VIPR1: variants seen among roughly 807,000 people sequenced by gnomAD.
The protein encoded by VIPR1 is vasoactive intestinal peptide receptor 1.
A neutral mutation model predicts 58.8 loss-of-function variants in VIPR1; 59 were observed. The ratio of observed to expected loss-of-function variants is 1.00; its 90% CI spans 0.81 to 1.25. The LOEUF is 1.25. Among genes scored for constraint, VIPR1 ranks in the 50% most tolerant of loss-of-function variants. The pLI is 0.00. For missense variants in VIPR1, 626 were observed against 602.7 expected (o/e 1.04, Z -0.40); for synonymous variants, 251 against 242.1 (o/e 1.04, Z -0.34).
chr3:42,520,509 G>A (rs979401552), intron 3 of VIPR1, among the ~76,000 whole-genome samples: 1 of 152,076 alleles, frequency 6.6e-6, no homozygotes. Context: ...AGAGAAGTGG[G>A]AGAGTTGTTT....
upstream of VIPR1, among the ~76,000 whole-genome samples, chr3:42,498,547 C>T (rs150610675): frequency 5.8e-4 from 89 of 152,278 alleles, no homozygotes; most frequent in African/African-American, 2.0e-3. Context: ...CACCCTTCCC[C>T]GCAACAGAGC....
At chr3:42,504,179 C>T (rs529831671) in intron 1 of VIPR1, among the ~76,000 whole-genome samples, 10 of 152,170 alleles carry the variant, frequency 6.6e-5, no homozygotes, top group African/African-American at 2.4e-4. Flanking sequence ...CCTCCCAACC[C>T]CAGGTTCAAG....
intron 1 of VIPR1, chr3:42,511,986 C>A (rs918751941): frequency 2.6e-5 from 4 of 152,234 alleles, no homozygotes; most frequent in Non-Finnish European, 5.9e-5. Context: ...TATCTTTTAA[C>A]AGTTATACGA....
chr3:42,506,156 G>A (rs1439795793), intron 1 of VIPR1, among the ~76,000 whole-genome samples: 3 of 152,224 alleles, frequency 2.0e-5, no homozygotes, highest in Non-Finnish European at 4.4e-5. Context: ...TCCTCATTAG[G>A]TGGCCAAAAC....
chr3:42,523,478 G>A (rs1369886078), intron 3 of VIPR1, among the ~76,000 whole-genome samples: 1 of 152,160 alleles, frequency 6.6e-6, no homozygotes, highest in East Asian at 1.9e-4. Flanking sequence ...CTGCTCCCTT[G>A]CTGTGTGACC....
At chr3:42,504,273 C>T (rs1390125251) in intron 1 of VIPR1, among the ~76,000 whole-genome samples, 1 of 152,252 alleles carries the variant, frequency 6.6e-6, no homozygotes, top group East Asian at 1.9e-4. Context: ...GCTTCTGAGC[C>T]CAGGGGCAGA....
At chr3:42,531,394 C>A in intron 7 of VIPR1, 77 bp from the exon 8 acceptor site, 1 of 1,477,184 alleles carries the variant, frequency 6.8e-7, no homozygotes, top group Non-Finnish European at 9.3e-7. Flanking sequence ...CTGCTTTTCT[C>A]CAAAATCTCT....
chr3:42,500,053 G>T (rs576614803), upstream of VIPR1: 1 of 152,308 alleles, frequency 6.6e-6, no homozygotes, highest in East Asian at 1.9e-4. Context: ...GGTAAGGAAG[G>T]GTGGATCCCC....
At chr3:42,515,660 G>A (rs992112799) in intron 2 of VIPR1, among the ~76,000 whole-genome samples, 1 of 152,232 alleles carries the variant, frequency 6.6e-6, no homozygotes, top group Non-Finnish European at 1.5e-5. Context: ...GGGTCTGCCC[G>A]TGACCTTCTG....
chr3:42,532,726 C>T, intron 10 of VIPR1: 1 of 264,612 alleles, frequency 3.8e-6, no homozygotes. Flanking sequence ...GGGGGAGACC[C>T]CAGTCCACCA....
At chr3:42,520,363 CA>C (rs1363233484) in intron 3 of VIPR1, among the ~76,000 whole-genome samples, 1 of 152,120 alleles carries the variant, frequency 6.6e-6, no homozygotes, top group Non-Finnish European at 1.5e-5. Flanking sequence ...AGGGGACTGA[CA>C]AAGTCCAATT....
intron 1 of VIPR1, among the ~76,000 whole-genome samples, chr3:42,505,389 T>C (rs973004286): frequency 1.3e-5 from 2 of 152,182 alleles, no homozygotes; most frequent in Admixed American, 1.3e-4. Flanking sequence ...ACTCTGAGGT[T>C]GATCAGTGGC....
At chr3:42,508,352 G>T (rs1174482349) in intron 1 of VIPR1, among the ~76,000 whole-genome samples, 1 of 152,198 alleles carries the variant, frequency 6.6e-6, no homozygotes, top group Non-Finnish European at 1.5e-5. Flanking sequence ...ATCCAGCCAG[G>T]AAGCAGCAGA....
At chr3:42,516,352 G>A (rs990976624) in intron 2 of VIPR1, among the ~76,000 whole-genome samples, 2 of 152,290 alleles carry the variant, frequency 1.3e-5, no homozygotes, top group South Asian at 4.1e-4. Flanking sequence ...GTATATTCAT[G>A]GCTGTCACCC....
chr3:42,495,215 G>A lies in VIPR1; in HGVS notation c.-245+5537G>A, dbSNP rs190631271. ...CGGCTCACTGCAACCTCTGCCTCCCGGGTTCAAGCGATTCTCCTGCCTCAG... is the reference window on the plus strand; with the variant it reads ...CGGCTCACTGCAACCTCTGCCTCCCAGGTTCAAGCGATTCTCCTGCCTCAG... On this transcript the variant is annotated intron_variant, in intron 1 of 13. Coordinates refer to the VIPR1 transcript ENST00000433647. Among the ~76,000 whole-genome samples, 80 of 152,034 alleles carry A rather than the reference G, an allele frequency of 5.3e-4. 2 individuals are homozygous for A. The highest frequency in any genetic ancestry group is 4.6e-3 in the Admixed American group (71 of 15,272).
chr3:42,491,439 T>C (rs1699663092), intron 1 of VIPR1, among the ~76,000 whole-genome samples: 1 of 152,204 alleles, frequency 6.6e-6, no homozygotes, highest in Non-Finnish European at 1.5e-5. Flanking sequence ...AGATCTGTAA[T>C]TGGATTCAAA....
At chr3:42,505,333 C>G (rs575174443) in intron 1 of VIPR1, among the ~76,000 whole-genome samples, 7 of 152,364 alleles carry the variant, frequency 4.6e-5, no homozygotes, top group African/African-American at 1.7e-4. Context: ...GGCCTGCCCC[C>G]AGAAGGAGGA....
intron 1 of VIPR1, among the ~76,000 whole-genome samples, chr3:42,510,071 T>C (rs1283786673): frequency 1.3e-5 from 2 of 152,236 alleles, no homozygotes; most frequent in Non-Finnish European, 2.9e-5. Context: ...TTCCAGGCCC[T>C]TCCCAATCCT....
intron 10 of VIPR1, chr3:42,534,216 C>G (rs1490175445): frequency 6.6e-6 from 1 of 152,234 alleles, no homozygotes; most frequent in African/African-American, 2.4e-5. Context: ...GCAGACACAG[C>G]AGAAAAAACA....
Sources: gnomAD v4.1 joint callset for allele counts (sites outside exome capture counted in the v4.1 genomes callset) on GRCh38, gnomAD v4.1.1 for gene constraint, MANE v1.5 for transcripts, NCBI Gene and HGNC (gene_info 2026-07-23, HGNC 2026-07-21) for gene names.